Variants in KANSL1L observed in about 807,000 individuals in gnomAD.
KANSL1L encodes the protein KAT8 regulatory NSL complex subunit 1-like protein.
A neutral mutation model predicts 108.6 loss-of-function variants in KANSL1L; 25 were observed. That is an observed-to-expected ratio of 0.23 (90% CI 0.17 to 0.32). The LOEUF (loss-of-function observed/expected upper bound fraction) is 0.32. Among genes scored for constraint, KANSL1L ranks in the 10% least tolerant of loss-of-function variants. The probability of loss-of-function intolerance (pLI) is 1.00; values close to 1 mark genes in which losing one functional copy is unlikely to be tolerated. For missense variants in KANSL1L, 1,137 were observed against 1,125.7 expected, an observed-to-expected ratio of 1.01 and a Z score of -0.14; for synonymous variants, 405 against 395.1, an observed-to-expected ratio of 1.03 and a Z score of -0.30.
At chr2:210,161,953 G>A (rs2095363406) in intron 1 of KANSL1L, among the ~76,000 whole-genome samples, 1 of 151,232 alleles carries the variant, frequency 6.6e-6, no homozygotes, top group Non-Finnish European at 1.5e-5. Flanking sequence ...GGGTATGCAT[G>A]GTGGCTCATG....
intron 4 of KANSL1L, among the ~76,000 whole-genome samples, chr2:210,101,953 G>A (rs947291905): frequency 1.6e-4 from 24 of 152,154 alleles, no homozygotes; most frequent in Admixed American, 9.2e-4. Context: ...TGCAACTATG[G>A]TGAAGAATGG....
intron 1 of KANSL1L, among the ~76,000 whole-genome samples, chr2:210,160,031 G>A (rs994512111): frequency 7.2e-5 from 11 of 152,148 alleles, no homozygotes; most frequent in Admixed American, 1.3e-4. Context: ...GCGAGACTCC[G>A]TCTCAAAAAA....
At chr2:210,029,101 C>A (rs900972815) in intron 10 of KANSL1L, 132 bp from the exon 11 acceptor site, 2 of 764,526 alleles carry the variant, frequency 2.6e-6, no homozygotes, top group Non-Finnish European at 4.0e-6. Flanking sequence ...TAAAGTCTGA[C>A]TAAAAAATGT....
At chr2:210,063,896 G>T (rs913026697) in intron 6 of KANSL1L, 1 of 152,170 alleles carries the variant, frequency 6.6e-6, no homozygotes, top group Non-Finnish European at 1.5e-5. Flanking sequence ...AGGCATGATT[G>T]GTTTTGAAAT....
chr2:210,148,730 T>TATATATTTAA (rs2095282514), intron 2 of KANSL1L, among the ~76,000 whole-genome samples: 1 of 152,152 alleles, frequency 6.6e-6, no homozygotes, highest in Non-Finnish European at 1.5e-5. Context: ...GGAGGAAAAG[T>TATATATTTAA]AACAAAGTCA....
intron 3 of KANSL1L, among the ~76,000 whole-genome samples, chr2:210,122,682 T>C (rs548402899): frequency 6.6e-6 from 1 of 151,996 alleles, no homozygotes; most frequent in East Asian, 1.9e-4. Flanking sequence ...CAAATCAAAT[T>C]AACACGTTAA....
chr2:210,159,806 C>A (rs1446299413), intron 1 of KANSL1L, among the ~76,000 whole-genome samples: 1 of 152,186 alleles, frequency 6.6e-6, no homozygotes, highest in Non-Finnish European at 1.5e-5. Context: ...AATCCCAGCA[C>A]TTTGGGAGGC....
chr2:210,165,883 G>GA, intron 1 of KANSL1L, among the ~76,000 whole-genome samples: 1 of 152,284 alleles, frequency 6.6e-6, no homozygotes, highest in South Asian at 2.1e-4. Flanking sequence ...AGTAAGGTAA[G>GA]ATATTTTGAG....
chr2:210,110,437 T>C (rs1231778246), intron 3 of KANSL1L, among the ~76,000 whole-genome samples: 1 of 152,206 alleles, frequency 6.6e-6, no homozygotes, highest in Non-Finnish European at 1.5e-5. Context: ...TCTAGAAACC[T>C]ATTCCTTTTC....
chr2:210,055,411 A>G, intron 6 of KANSL1L, among the ~76,000 whole-genome samples: 1 of 152,196 alleles, frequency 6.6e-6, no homozygotes, highest in Non-Finnish European at 1.5e-5. Context: ...AAAATGTGGA[A>G]GTGACTTTGG....
At chr2:210,029,365 C>T (rs2093982850) in intron 10 of KANSL1L, among the ~76,000 whole-genome samples, 1 of 152,080 alleles carries the variant, frequency 6.6e-6, no homozygotes, top group South Asian at 2.1e-4. Flanking sequence ...TCAGTATACT[C>T]TTCATTTATG....
chr2:210,023,079 GTGCT>G lies in KANSL1L; in HGVS notation c.2830_2833del (p.Ser944GlnfsTer34). On this transcript the variant is annotated frameshift_variant, in exon 15 of 15. Coordinates refer to ENST00000281772, the MANE Select transcript of KANSL1L (RefSeq NM_152519.4). LOFTEE classifies it high-confidence loss of function. ...ACCGAAGATTTCACCATGGAAAGCT[GTGCT>G]TGACCTTTCAACCTGATCCTTTTTT... The G allele has an allele frequency of 6.2e-7, 1 of 1,613,916 alleles. No individual in the cohort carries two copies. The highest frequency in any genetic ancestry group is 1.1e-5 in the South Asian group (1 of 91,070).
In KANSL1L at chr2:210,154,197, G is replaced by C; in HGVS notation, c.386C>G (p.Ser129Cys). 1.1e-5 allele frequency: 18 copies of C among 1,614,044 alleles called. No individual in the cohort carries two copies. Among genetic ancestry groups the C allele is most frequent in the Non-Finnish European group, 1.4e-5 (17 of 1,179,976 alleles). Reference sequence around the variant, plus strand: ...AGGCTCCTTTTTGATGAACTCTTCAGAATGAGAAAGACAGATTTTACTGAG... The same window carrying C: ...AGGCTCCTTTTTGATGAACTCTTCACAATGAGAAAGACAGATTTTACTGAG... ...IQLSKICLSH[S>C]EEFIKKEPLS... Residue 129 changes from serine (S) to cysteine (C), a missense_variant, in exon 2 of 15, where the codon TCT (serine) becomes TGT (cysteine). Transcript: ENST00000281772.
Position 210,023,094 on chromosome 2 carries a change from A to T in KANSL1L, c.2819T>A (p.Val940Asp), listed in dbSNP as rs1387292190. The T allele has an allele frequency of 1.2e-6, 2 of 1,613,668 alleles. No homozygotes were observed. The highest frequency in any genetic ancestry group is 1.7e-5 in the Admixed American group (1 of 59,970). Reference sequence around the variant, plus strand: ...ATGGAAAGCTGTGCTTGACCTTTCAACCTGATCCTTTTTTTCATCTTGACA... The same window carrying T: ...ATGGAAAGCTGTGCTTGACCTTTCATCCTGATCCTTTTTTTCATCTTGACA... ...LLCQDEKKDQVERSSTAFHGE... is the reference protein window; with the variant it reads ...LLCQDEKKDQDERSSTAFHGE... Residue 940 changes from valine (V) to aspartate (D), a missense_variant, in exon 15 of 15, where the codon GTT becomes GAT. Physicochemically the swap from Val to Asp is radical, Grantham distance 152. Coordinates refer to ENST00000281772, the MANE Select transcript of KANSL1L (RefSeq NM_152519.4).
intron 1 of KANSL1L, among the ~76,000 whole-genome samples, chr2:210,169,165 A>T (rs1324208070): frequency 6.6e-6 from 1 of 152,132 alleles, no homozygotes; most frequent in East Asian, 1.9e-4. Flanking sequence ...ACACACAAAC[A>T]AACAACAAAA....
chr2:210,040,488 T>G lies in KANSL1L; in HGVS notation c.1961A>C (p.Lys654Thr). Reference sequence around the variant, plus strand: ...AGCAAGATTGCCTTTTATTTCAGTCTTTTTTAACAGTGTTTCAAAGTGAAA... The same window carrying G: ...AGCAAGATTGCCTTTTATTTCAGTCGTTTTTAACAGTGTTTCAAAGTGAAA... ...LHFHFETLLK[K>T]TEIKGNLAEN... is the part of the protein sequence containing the mutation. Residue 654 changes from lysine to threonine, a missense_variant, in exon 8 of 15, where the codon AAG becomes ACG. Coordinates refer to ENST00000281772, the MANE Select transcript of KANSL1L (RefSeq NM_152519.4). The G allele has an allele frequency of 6.4e-7, 1 of 1,569,416 alleles. No individual in the cohort carries two copies. Among genetic ancestry groups the G allele is most frequent in the South Asian group, 1.1e-5 (1 of 87,256 alleles).
At chr2:210,119,175 T>C (rs2094988645) in intron 3 of KANSL1L, among the ~76,000 whole-genome samples, 2 of 149,158 alleles carry the variant, frequency 1.3e-5, no homozygotes, top group Non-Finnish European at 3.0e-5. Flanking sequence ...AGAGCGAGGC[T>C]CCGTCTCGAA....
At chr2:210,031,330 G>T in intron 9 of KANSL1L, 91 bp downstream of exon 9, 1 of 845,040 alleles carries the variant, frequency 1.2e-6, no homozygotes, top group Non-Finnish European at 1.9e-6. Flanking sequence ...GGCTGTTCTG[G>T]ATTATAAACT....
intron 5 of KANSL1L, chr2:210,088,161 T>C (rs141003094): frequency 1.3e-5 from 2 of 152,328 alleles, no homozygotes; most frequent in Non-Finnish European, 2.9e-5. Context: ...CCCCTGAGAA[T>C]GTTATCATGG....
Sources: gnomAD v4.1 joint callset for allele counts (sites outside exome capture counted in the v4.1 genomes callset) on GRCh38, gnomAD v4.1.1 for gene constraint, MANE v1.5 for transcripts, NCBI Gene and HGNC (gene_info 2026-07-23, HGNC 2026-07-21) for gene names.